The following LCOR variants were observed in gnomAD, a reference collection of about 807,000 sequenced individuals.
The protein encoded by LCOR is ligand dependent nuclear receptor corepressor.
In LCOR, 14 loss-of-function variants were observed where a neutral mutation model predicts 64.4. The observed-to-expected ratio is 0.22, with a 90% CI of 0.14 to 0.34. The LOEUF (loss-of-function observed/expected upper bound fraction) is 0.34, where lower values mean the gene tolerates loss of function less well. Among genes scored for constraint, LCOR ranks in the 10% least tolerant of loss-of-function variants. LCOR has a pLI of 1.00. For missense variants in LCOR, 1,686 were observed against 1,765.3 expected (o/e 0.96, Z 0.80); for synonymous variants, 643 against 642.5 (o/e 1.00, Z -0.01).
At chr10:96,946,865 C>T (rs1452994460) in intron 5 of LCOR, among the ~76,000 whole-genome samples, 1 of 152,052 alleles carries the variant, frequency 6.6e-6, no homozygotes, top group African/African-American at 2.4e-5. Context: ...TACTTAAACA[C>T]AGAGGCATCG....
At position 96,857,538 on chromosome 10, in the gene LCOR, A is replaced by T. The variant is rs116730867; in HGVS notation, c.-330+24059A>T. On this transcript the variant is annotated intron_variant, in intron 2 of 7. Coordinates refer to ENST00000421806, the MANE Select transcript of LCOR (RefSeq NM_001346516.2). ...GGCTCTTTAGCCTCTATATACTCTT[A>T]CTTCTCTCTCAGCTGATGATCTTGT... Among the ~76,000 whole-genome samples the T allele has an allele frequency of 3.3e-3, 499 of 152,168 alleles. 3 individuals carry two copies. Among genetic ancestry groups the T allele is most frequent in the African/African-American group, 0.012 (481 of 41,512 alleles).
chr10:96,988,105 C>G lies in LCOR; in HGVS notation c.*2971C>G, dbSNP rs952010652. The G allele has an allele frequency of 1.3e-5, 2 of 152,352 alleles. No individual in the cohort carries two copies. Among genetic ancestry groups the G allele is most frequent in the South Asian group, 4.1e-4 (2 of 4,826 alleles). The allele number at this position is 152,352 out of a possible 1,614,324, so 9.4% of individuals were successfully genotyped here. A position where few individuals can be genotyped will look rare whatever the true frequency, so the allele number is the denominator to read the frequency against. ...ATCACTGAAGCTCTGCCATAGCTCC[C>G]GTAGAGGAGGGCCCTCTTCAGGACA... On this transcript the variant is annotated 3_prime_UTR_variant, in exon 8 of 8. Transcript: ENST00000421806.
chr10:96,874,351 G>A (rs1393289326), intron 2 of LCOR, among the ~76,000 whole-genome samples: 1 of 152,070 alleles, frequency 6.6e-6, no homozygotes, highest in Non-Finnish European at 1.5e-5. Context: ...CCATTATCCT[G>A]TCAGTAATCC....
intron 2 of LCOR, among the ~76,000 whole-genome samples, chr10:96,867,096 C>T (rs998056358): frequency 6.6e-6 from 1 of 152,166 alleles, no homozygotes; most frequent in Admixed American, 6.6e-5. Flanking sequence ...AAGCGATTCA[C>T]CTGCCTCAGC....
At chr10:96,886,277 G>A (rs1457036412) in intron 2 of LCOR, among the ~76,000 whole-genome samples, 2 of 152,144 alleles carry the variant, frequency 1.3e-5, no homozygotes, top group Admixed American at 1.3e-4. Context: ...GAGATATACA[G>A]GTTGAGTGTC....
chr10:96,918,036 C>G (rs1397193570), intron 4 of LCOR, among the ~76,000 whole-genome samples: 1 of 152,074 alleles, frequency 6.6e-6, no homozygotes, highest in African/African-American at 2.4e-5. Context: ...AATAAAAGGT[C>G]TGGGGTGAAG....
In LCOR at chr10:96,923,309, CT is replaced by C. The variant is rs776673227; in HGVS notation, c.-184+15566del. Among the ~76,000 whole-genome samples the C allele has an allele frequency of 7.9e-5, 12 of 152,222 alleles. No individual in the cohort carries two copies. The East Asian group carries it at 1.3e-3, about 17-fold the overall frequency. ...TACAAAACCTGCATGTGTTCACACG[CT>C]TTTAATTCCCAAATTTTCTCTATCC... On this transcript the variant is annotated intron_variant, in intron 4 of 7. Transcript: ENST00000421806.
chr10:96,975,878 G>A (rs1338990457), intron 7 of LCOR, among the ~76,000 whole-genome samples: 1 of 152,070 alleles, frequency 6.6e-6, no homozygotes, highest in African/African-American at 2.4e-5. Context: ...AGCCGGACGT[G>A]GTGGTGGGCG....
chr10:96,853,635 G>A (rs1845755607), intron 2 of LCOR, among the ~76,000 whole-genome samples: 1 of 152,158 alleles, frequency 6.6e-6, no homozygotes, highest in Non-Finnish European at 1.5e-5. Flanking sequence ...GATGTAGGTT[G>A]ACCTAAGTTG....
chr10:96,977,200 G>C (rs1463310276), intron 7 of LCOR, among the ~76,000 whole-genome samples: 1 of 152,176 alleles, frequency 6.6e-6, no homozygotes, highest in Non-Finnish European at 1.5e-5. Flanking sequence ...TTCATTCAGA[G>C]CCTATTTATT....
rs1848076289 is a variant in LCOR, at chr10:96,980,711, A to T, written c.333-82A>T. On this transcript the variant is annotated intron_variant, in intron 7 of 7. Coordinates refer to ENST00000421806, the MANE Select transcript of LCOR (RefSeq NM_001346516.2). ...AAAATAAATAAATAATAAAATGAAT[A>T]ACGTTGGGTGAATTTTATAATGTAA... is the stretch of plus-strand genomic sequence containing the variant. 5.0e-6 allele frequency: 3 copies of T among 601,434 alleles called. No individual in the cohort carries two copies. The East Asian group carries it at 8.3e-5, about 17-fold the overall frequency. 37.3% of individuals were successfully genotyped at this position (601,434 alleles called of 1,614,324 possible). A position where few individuals can be genotyped will look rare whatever the true frequency, so the allele number is the denominator to read the frequency against.
intron 7 of LCOR, among the ~76,000 whole-genome samples, chr10:96,974,638 A>G (rs1848024035): frequency 6.6e-6 from 1 of 152,192 alleles, no homozygotes; most frequent in Admixed American, 6.5e-5. Flanking sequence ...TGGTTTCCCT[A>G]CTAGCTGCCC....
intron 4 of LCOR, among the ~76,000 whole-genome samples, chr10:96,933,601 C>T (rs1468212405): frequency 6.6e-6 from 1 of 152,126 alleles, no homozygotes; most frequent in African/African-American, 2.4e-5. Flanking sequence ...GCTCACTCAA[C>T]CTCCGTCTCC....
intron 4 of LCOR, among the ~76,000 whole-genome samples, chr10:96,940,546 GTTTA>G (rs1847437140): frequency 9.1e-6 from 1 of 110,008 alleles, no homozygotes; most frequent in Non-Finnish European, 1.9e-5. Context: ...TCAAGCATCT[GTTTA>G]ACAAAGCACA....
intron 7 of LCOR, chr10:96,958,800 C>G: frequency 5.7e-6 from 1 of 174,832 alleles, no homozygotes; most frequent in Non-Finnish European, 1.2e-5. Flanking sequence ...AATTGCATTA[C>G]ATTGGTAACT....
intron 2 of LCOR, among the ~76,000 whole-genome samples, chr10:96,882,311 C>CAA (rs1846276933): frequency 6.6e-6 from 1 of 152,156 alleles, no homozygotes; most frequent in Non-Finnish European, 1.5e-5. Context: ...TCACGAAAAT[C>CAA]CAGCCTGATA....
chr10:96,833,449 T>C lies in LCOR; in HGVS notation c.-360T>C. The C allele has an allele frequency of 1.0e-6, 1 of 986,116 alleles. No individual in the cohort carries two copies. Among genetic ancestry groups the C allele is most frequent in the Non-Finnish European group, 1.2e-6 (1 of 830,158 alleles). The allele number at this position is 986,116 out of a possible 1,614,324, so 61.1% of individuals were successfully genotyped here. A position where few individuals can be genotyped will look rare whatever the true frequency, so the allele number is the denominator to read the frequency against. ...CGGCGGCCGGCGGGACCATAAGGGC[T>C]TAACTCATATATTTAACCCCCCTCC... is the stretch of plus-strand genomic sequence containing the variant. On this transcript the variant is annotated 5_prime_UTR_variant, in exon 2 of 8. Transcript: ENST00000421806.
chr10:96,845,508 CCAGGTTGGAGTG>C (rs1465538509), intron 2 of LCOR, among the ~76,000 whole-genome samples: 2 of 124,502 alleles, frequency 1.6e-5, no homozygotes, highest in Non-Finnish European at 3.1e-5. Flanking sequence ...TCGCTGTCGC[CCAGGTTGGAGTG>C]CAGTGGCGTG....
At chr10:96,936,453 GGTT>G (rs1847352431) in intron 4 of LCOR, among the ~76,000 whole-genome samples, 1 of 152,048 alleles carries the variant, frequency 6.6e-6, no homozygotes, top group South Asian at 2.1e-4. Flanking sequence ...ACCAAAAACT[GGTT>G]TTTTTAAAAT....
Sources: allele counts gnomAD v4.1 joint callset (sites outside exome capture counted in the v4.1 genomes callset), GRCh38; gene constraint gnomAD v4.1.1; transcripts MANE v1.5; gene names NCBI Gene and HGNC (gene_info 2026-07-23, HGNC 2026-07-21).